LPP: variants seen among roughly 807,000 people sequenced by gnomAD.
LPP encodes LIM domain containing preferred translocation partner in lipoma, also known as lipoma-preferred partner.
Under a neutral mutation model 60.4 loss-of-function variants are expected in LPP, and 38 were observed. The observed-to-expected ratio is 0.63, with a 90% CI of 0.49 to 0.83. The LOEUF is 0.83. Ranked by LOEUF, LPP falls within the 40% of genes least tolerant of loss-of-function variation. The pLI, the probability that LPP is intolerant of heterozygous loss-of-function variation, is 0.00. For missense variants in LPP, 902 were observed against 783.6 expected (o/e 1.15, Z -1.80); for synonymous variants, 328 against 290.8 (o/e 1.13, Z -1.30).
chr3:188,551,756 T>C (rs1207613268), intron 6 of LPP, among the ~76,000 whole-genome samples: 2 of 152,152 alleles, frequency 1.3e-5, no homozygotes, highest in African/African-American at 2.4e-5. Flanking sequence ...CTTTCTGCCA[T>C]AGAGATCAAT....
rs143564602 is a variant in LPP, at chr3:188,295,105, C to G, written c.-66-46558C>G. Among the ~76,000 whole-genome samples, 94 of 152,294 alleles carry G rather than the reference C, an allele frequency of 6.2e-4. 1 individual carries two copies. The highest frequency in any genetic ancestry group is 2.1e-3 in the African/African-American group (89 of 41,546). On this transcript the variant is annotated intron_variant, in intron 2 of 11. Coordinates refer to ENST00000617246, the MANE Select transcript of LPP (RefSeq NM_001375462.1). ...GACGTGTGTAGAGGCTGAAGGAGAG[C>G]TGTGTTGCTAGCTTTGTATTTGAAC... is the stretch of plus-strand genomic sequence containing the variant.
chr3:188,762,279 G>A (rs1469623627), intron 9 of LPP, among the ~76,000 whole-genome samples: 1 of 152,122 alleles, frequency 6.6e-6, no homozygotes, highest in Admixed American at 6.6e-5. Context: ...ATATAATGGG[G>A]ACGATGGCAG....
intron 5 of LPP, among the ~76,000 whole-genome samples, chr3:188,498,513 ATATGTCATGC>A (rs1810903553): frequency 6.6e-6 from 1 of 152,160 alleles, no homozygotes; most frequent in Admixed American, 6.5e-5. Flanking sequence ...ATGTTGTAGC[ATATGTCATGC>A]TATATATATG....
Position 188,638,426 on chromosome 3 carries a change from C to G in LPP, c.1113+28582C>G, listed in dbSNP as rs1392782402. Among the ~76,000 whole-genome samples, 4 of 142,622 alleles carry G rather than the reference C, an allele frequency of 2.8e-5. No homozygotes were observed. The East Asian group carries it at 8.1e-4, about 29-fold the overall frequency. 93.6% of individuals were successfully genotyped at this position (142,622 alleles called of 152,430 possible). A position where few individuals can be genotyped will look rare whatever the true frequency, so the allele number is the denominator to read the frequency against. ...CAATATCATACTGAATGGGCAAAAA[C>G]TGGAAGCATTCCCTTTGAAAACTGG... On this transcript the variant is annotated intron_variant, in intron 7 of 11. Transcript: ENST00000617246.
intron 3 of LPP, among the ~76,000 whole-genome samples, chr3:188,378,556 T>C (rs922708937): frequency 2.0e-5 from 3 of 152,162 alleles, no homozygotes; most frequent in Non-Finnish European, 2.9e-5. Flanking sequence ...TTAAAGCCCA[T>C]TGGAAAAGCT....
Position 188,555,336 on chromosome 3 carries a change from G to A in LPP, c.429+30549G>A, listed in dbSNP as rs545779781. Among the ~76,000 whole-genome samples, 56 of 152,180 alleles carry A rather than the reference G, an allele frequency of 3.7e-4. 1 individual carries two copies. In the South Asian group the frequency reaches 0.011, roughly 30 times the overall value. On this transcript the variant is annotated intron_variant, in intron 6 of 11. Coordinates refer to ENST00000617246, the MANE Select transcript of LPP (RefSeq NM_001375462.1). ...AGTTTAAGTGAGATGGAGAGCATTT[G>A]GAGTCACATTATCAGGCTTATGTTA...
chr3:188,659,810 GCA>G (rs139762080), intron 7 of LPP, among the ~76,000 whole-genome samples: 2 of 128,482 alleles, frequency 1.6e-5, no homozygotes, highest in African/African-American at 5.3e-5. Flanking sequence ...TAGATCCTAT[GCA>G]CACACACACA....
chr3:188,239,577 A>G (rs1029694375), intron 2 of LPP, among the ~76,000 whole-genome samples: 3 of 152,188 alleles, frequency 2.0e-5, no homozygotes, highest in African/African-American at 7.2e-5. Context: ...CATTTTATCA[A>G]TATTTCAGGC....
intron 3 of LPP, among the ~76,000 whole-genome samples, chr3:188,356,652 G>A (rs2030525): frequency 0.18 from 27,100 of 152,100 alleles, 2,713 homozygotes; most frequent in East Asian, 0.38. Flanking sequence ...GGCAACTGTG[G>A]CAATAGTTCT....
intron 1 of LPP, among the ~76,000 whole-genome samples, chr3:188,190,059 T>TC (rs1727726978): frequency 6.6e-6 from 1 of 150,882 alleles, no homozygotes; most frequent in Non-Finnish European, 1.5e-5. Context: ...CTGTGGATTT[T>TC]TTTTTTTTTT....
chr3:188,270,280 A>AACACACAGACGTGTGTGTGTGGAC (rs1737276448), intron 2 of LPP, among the ~76,000 whole-genome samples: 1 of 151,816 alleles, frequency 6.6e-6, no homozygotes, highest in Non-Finnish European at 1.5e-5. Context: ...TTCGTTCCCA[A>AACACACAGACGTGTGTGTGTGGAC]ACACACAGAC....
At chr3:188,359,956 T>A (rs1417418232) in intron 3 of LPP, among the ~76,000 whole-genome samples, 1 of 152,174 alleles carries the variant, frequency 6.6e-6, no homozygotes, top group Non-Finnish European at 1.5e-5. Context: ...CTGCCCACAT[T>A]CCAGCCTTCT....
chr3:188,446,440 T>C (rs1375743078), intron 4 of LPP, among the ~76,000 whole-genome samples: 2 of 152,224 alleles, frequency 1.3e-5, no homozygotes, highest in African/African-American at 4.8e-5. Context: ...CATTGTAACC[T>C]GTTGGTTACT....
chr3:188,190,454 T>C (rs369574615), intron 1 of LPP, among the ~76,000 whole-genome samples: 1 of 152,242 alleles, frequency 6.6e-6, no homozygotes, highest in East Asian at 1.9e-4. Flanking sequence ...AAGGAGTCAA[T>C]GTGGGGTCTG....
At chr3:188,777,918 A>G (rs1346375996) in intron 9 of LPP, among the ~76,000 whole-genome samples, 1 of 152,214 alleles carries the variant, frequency 6.6e-6, no homozygotes, top group Non-Finnish European at 1.5e-5. Flanking sequence ...ATGATATTCT[A>G]TTTTAGCCAG....
Position 188,886,042 on chromosome 3 carries a change from A to G in LPP, c.*11563A>G, listed in dbSNP as rs1225409310. The G allele has an allele frequency of 1.3e-5, 2 of 152,076 alleles. No individual in the cohort carries two copies. The highest frequency in any genetic ancestry group is 4.8e-5 in the African/African-American group (2 of 41,414). 9.4% of individuals were successfully genotyped at this position (152,076 alleles called of 1,614,324 possible). A position where few individuals can be genotyped will look rare whatever the true frequency, so the allele number is the denominator to read the frequency against. On this transcript the variant is annotated 3_prime_UTR_variant, in exon 12 of 12. Transcript: ENST00000617246. The stretch of plus-strand genomic sequence containing the variant: ...TGGAAATCATCATTCTCAGTAAACT[A>G]TCTCAAGGACAAAAAACCAAACACC...
chr3:188,862,681 C>A (rs952318844), intron 9 of LPP, among the ~76,000 whole-genome samples: 6 of 134,588 alleles, frequency 4.5e-5, no homozygotes, highest in Non-Finnish European at 6.1e-5. Context: ...CTTTTAAATC[C>A]CCAGCTATCA....
intron 5 of LPP, among the ~76,000 whole-genome samples, chr3:188,495,107 T>G (rs74804702): frequency 3.6e-5 from 4 of 110,916 alleles, no homozygotes; most frequent in African/African-American, 1.2e-4. Context: ...TATTATATAT[T>G]TTTATATATT....
chr3:188,628,629 T>C (rs1560668548), intron 7 of LPP, among the ~76,000 whole-genome samples: 2 of 152,116 alleles, frequency 1.3e-5, no homozygotes, highest in East Asian at 3.9e-4. Context: ...CCAGTAAAAG[T>C]TCTGGATAGA....
Sources: allele counts gnomAD v4.1 joint callset (sites outside exome capture counted in the v4.1 genomes callset), GRCh38; gene constraint gnomAD v4.1.1; transcripts MANE v1.5; gene names NCBI Gene and HGNC (gene_info 2026-07-23, HGNC 2026-07-21).